SLC4A8: variants seen among roughly 807,000 people sequenced by gnomAD.
SLC4A8 encodes the protein solute carrier family 4 member 8, also known as electroneutral sodium bicarbonate exchanger 1.
SLC4A8 carries 40 observed loss-of-function variants against 125.0 expected under a neutral mutation model. That is an observed-to-expected ratio of 0.32 (90% CI 0.25 to 0.42). SLC4A8 has a LOEUF of 0.42. SLC4A8 is among the 10% of genes least tolerant of loss of function. The pLI is 1.00. For missense variants in SLC4A8, 863 were observed against 1,355.1 expected (o/e 0.64, Z 5.70); for synonymous variants, 456 against 476.0 (o/e 0.96, Z 0.55).
At chr12:51,474,592 CT>C (rs1405541839) in intron 15 of SLC4A8, 145 bp downstream of exon 15, 2 of 1,387,954 alleles carry the variant, frequency 1.4e-6, no homozygotes, top group South Asian at 1.6e-5. Flanking sequence ...TACTCACTTT[CT>C]TTTATCCTTT....
At chr12:51,489,979 A>G in intron 19 of SLC4A8, 28 bp downstream of exon 19, 1 of 1,608,914 alleles carries the variant, frequency 6.2e-7, no homozygotes, top group East Asian at 2.2e-5. Context: ...CATTCAGCAA[A>G]TATCAAGGGC....
rs1470948146 is a variant in SLC4A8 at position 51,453,681 on chromosome 12, A to G, written c.556A>G (p.Ser186Gly). 1.2e-6 allele frequency: 2 copies of G among 1,613,008 alleles called. No individual in the cohort carries two copies. Among genetic ancestry groups the G allele is most frequent in the East Asian group, 4.5e-5 (2 of 44,874 alleles). The change falls in exon 5 of 25, where the codon AGC becomes GGC. Residue 186 changes from serine to glycine, a missense_variant. By Grantham distance (56) the Ser-to-Gly change is moderately conservative. Around this residue, in one of 6 missense-constraint regions of SLC4A8, gnomAD observed 390 missense variants for 634.4 expected, o/e 0.61. Coordinates refer to ENST00000453097, the MANE Select transcript of SLC4A8 (RefSeq NM_001039960.3). ...GTVLLDMHAN[S>G]IEEISDLILD... is the part of the protein sequence containing the mutation. ...AGTCCTCCTGGATATGCATGCAAAT[A>G]GCATAGAAGAAATTTCAGGTAAGGT...
At chr12:51,462,274 C>G in intron 9 of SLC4A8, 36 bp from the exon 10 acceptor site, 2 of 1,596,444 alleles carry the variant, frequency 1.3e-6, no homozygotes, top group Non-Finnish European at 1.7e-6. Flanking sequence ...TGTAAAGTTA[C>G]TTTTAACTTT....
intron 8 of SLC4A8, among the ~76,000 whole-genome samples, chr12:51,460,664 G>A (rs1273349622): frequency 2.0e-5 from 3 of 152,156 alleles, no homozygotes; most frequent in Non-Finnish European, 4.4e-5. Context: ...CACAATTCTG[G>A]CATGGTTTGT....
intron 14 of SLC4A8, among the ~76,000 whole-genome samples, chr12:51,472,250 C>T (rs1243209853): frequency 1.3e-5 from 2 of 152,174 alleles, no homozygotes; most frequent in African/African-American, 4.8e-5. Flanking sequence ...TAGCTCTGTA[C>T]ATCAAGTTCT....
intron 2 of SLC4A8, among the ~76,000 whole-genome samples, chr12:51,441,869 G>T (rs1470760078): frequency 6.6e-6 from 1 of 152,180 alleles, no homozygotes; most frequent in Admixed American, 6.5e-5. Context: ...CTCTGTGGAG[G>T]TCAGTGGTGT....
At chr12:51,450,715 A>T (rs76897219) in intron 2 of SLC4A8, 161 bp from the exon 3 acceptor site, 2 of 718,940 alleles carry the variant, frequency 2.8e-6, no homozygotes, top group Non-Finnish European at 4.6e-6. Context: ...CAAAATCTCT[A>T]TATCTTTACT....
At chr12:51,486,474 T>C (rs1951163772) in intron 17 of SLC4A8, among the ~76,000 whole-genome samples, 1 of 152,212 alleles carries the variant, frequency 6.6e-6, no homozygotes, top group African/African-American at 2.4e-5. Context: ...TATAACTCTC[T>C]CTAATATATG....
intron 17 of SLC4A8, 68 bp from the exon 18 acceptor site, chr12:51,488,630 TC>T: frequency 8.6e-7 from 1 of 1,166,308 alleles, no homozygotes; most frequent in Non-Finnish European, 1.2e-6. Context: ...GATATTGTGA[TC>T]CAGTTTGATA....
chr12:51,478,809 G>A (rs751500742), intron 16 of SLC4A8, among the ~76,000 whole-genome samples: 7 of 152,230 alleles, frequency 4.6e-5, no homozygotes, highest in Non-Finnish European at 7.3e-5. Context: ...TCAGGATTCT[G>A]GTTGTGACTG....
chr12:51,478,404 A>C (rs1360795891), intron 16 of SLC4A8, among the ~76,000 whole-genome samples: 2 of 152,060 alleles, frequency 1.3e-5, no homozygotes, highest in Non-Finnish European at 2.9e-5. Context: ...ACTCTACTGC[A>C]CTCCAGCCTG....
At chr12:51,425,138 C>T in intron 1 of SLC4A8, 103 bp downstream of exon 1, 1 of 1,468,866 alleles carries the variant, frequency 6.8e-7, no homozygotes, top group Non-Finnish European at 9.0e-7. Flanking sequence ...GCTTCCCAGG[C>T]CGCTCCCTGA....
chr12:51,462,633 C>A, intron 10 of SLC4A8, 177 bp downstream of exon 10: 1 of 464,182 alleles, frequency 2.2e-6, no homozygotes, highest in Non-Finnish European at 3.6e-6. Flanking sequence ...TGGCTCACAC[C>A]TGTAATCTCA....
rs17125856 is a variant in SLC4A8 at position 51,484,211 on chromosome 12, G to T, written c.2173-1576G>T. 9.2e-3 allele frequency among the ~76,000 whole-genome samples: 1,407 copies of T among 152,226 alleles called. 59 individuals carry two copies. The highest frequency in any genetic ancestry group is 0.079 in the East Asian group (409 of 5,170). On this transcript the variant is annotated intron_variant, in intron 16 of 24. Coordinates refer to ENST00000453097, the MANE Select transcript of SLC4A8 (RefSeq NM_001039960.3). The stretch of plus-strand genomic sequence containing the variant: ...TGAGCCTACATGGCAGTCACGGGAG[G>T]TACATATTAAGTAAGTTCTGGGTCT...
At chr12:51,411,200 T>C (rs148317016) in intron 1 of SLC4A8, among the ~76,000 whole-genome samples, 1 of 152,230 alleles carries the variant, frequency 6.6e-6, no homozygotes, top group East Asian at 1.9e-4. Flanking sequence ...CCCTTCCCTA[T>C]GCAATAATTT....
chr12:51,416,511 C>T (rs1269620248), intron 1 of SLC4A8, among the ~76,000 whole-genome samples: 1 of 151,948 alleles, frequency 6.6e-6, no homozygotes, highest in South Asian at 2.1e-4. Context: ...GGTGTGGTGG[C>T]GTACGCTTGT....
intron 1 of SLC4A8, chr12:51,391,761 T>C (rs11169825): frequency 0.92 from 139,903 of 152,386 alleles, 64,545 homozygotes; most frequent in Non-Finnish European, 0.97. Context: ...CGCCGTGTCC[T>C]CAGCCTGCTG....
At chr12:51,499,903 A>C (rs1937775109) in intron 22 of SLC4A8, among the ~76,000 whole-genome samples, 1 of 152,162 alleles carries the variant, frequency 6.6e-6, no homozygotes, top group Non-Finnish European at 1.5e-5. Context: ...GTAAGACTGG[A>C]AGGGACAGAG....
Position 51,507,449 on chromosome 12 carries a change from T to C in SLC4A8, c.*11T>C. 7.2e-7 allele frequency: 1 copy of C among 1,392,734 alleles called. No individual in the cohort carries two copies. The highest frequency in any genetic ancestry group is 9.4e-7 in the Non-Finnish European group (1 of 1,066,376). The allele number at this position is 1,392,734 out of a possible 1,614,324, so 86.3% of individuals were successfully genotyped here. ...AGTCTCTTCAACTAAGAGTCTTTGC[T>C]GGGATGGAAGATTTGGGCCGTGTGG... On this transcript the variant is annotated 3_prime_UTR_variant, in exon 25 of 25. Coordinates refer to ENST00000453097, the MANE Select transcript of SLC4A8 (RefSeq NM_001039960.3).
Sources: gnomAD v4.1 joint callset for allele counts (sites outside exome capture counted in the v4.1 genomes callset) on GRCh38, gnomAD v4.1.1 for gene constraint, gnomAD v4.1.1 regional missense constraint, MANE v1.5 for transcripts, NCBI Gene and HGNC (gene_info 2026-07-23, HGNC 2026-07-21) for gene names.